Variants in AKAP6 observed in about 807,000 individuals in gnomAD.
The protein encoded by AKAP6 is A-kinase anchoring protein 6.
Under a neutral mutation model 188.5 loss-of-function variants are expected in AKAP6, and 58 were observed. The ratio of observed to expected loss-of-function variants is 0.31; its 90% confidence interval spans 0.25 to 0.38. AKAP6 has a LOEUF of 0.38. Among genes scored for constraint, AKAP6 ranks in the 10% least tolerant of loss-of-function variants. The pLI, the probability that AKAP6 is intolerant of heterozygous loss-of-function variation, is 1.00. For synonymous variants in AKAP6, 989 were observed against 998.6 expected, an observed-to-expected ratio of 0.99 and a Z score of 0.18; for missense variants, 2,710 against 2,740.0, an observed-to-expected ratio of 0.99 and a Z score of 0.24.
chr14:32,589,247 C>T (rs74624261), intron 5 of AKAP6, among the ~76,000 whole-genome samples: 209 of 152,314 alleles, frequency 1.4e-3, no homozygotes, highest in African/African-American at 4.6e-3. Context: ...TGGCCTTACA[C>T]GGGCTTTGAA....
chr14:32,726,093 C>T (rs2030858001), intron 9 of AKAP6: 2 of 759,346 alleles, frequency 2.6e-6, no homozygotes, highest in Non-Finnish European at 3.2e-6. Context: ...TTTCCAACGA[C>T]CAGATTAAGG....
chr14:32,452,252 T>C (rs1890967623), intron 2 of AKAP6, among the ~76,000 whole-genome samples: 1 of 152,024 alleles, frequency 6.6e-6, no homozygotes, highest in South Asian at 2.1e-4. Context: ...CAGGCTGGTC[T>C]CAAACTCCTG....
intron 12 of AKAP6, among the ~76,000 whole-genome samples, chr14:32,790,798 G>A (rs1247550824): frequency 1.3e-5 from 2 of 152,004 alleles, no homozygotes; most frequent in South Asian, 2.1e-4. Flanking sequence ...ACCCCGATAT[G>A]TGATGTTCTG....
chr14:32,433,722 C>A lies in AKAP6; in HGVS notation c.229C>A (p.Leu77Ile). 3 of 1,614,214 alleles carry A rather than the reference C, an allele frequency of 1.9e-6. No individual in the cohort carries two copies. Among genetic ancestry groups the A allele is most frequent in the Non-Finnish European group, 2.5e-6 (3 of 1,180,042 alleles). The change falls in exon 2 of 14, where the codon CTC becomes ATC. Residue 77 changes from leucine to isoleucine, a missense_variant. By Grantham distance (5) the Leu-to-Ile change is conservative. Transcript: ENST00000280979. ...VLHLPEIETW[L>I]RMTSERVRDL... ...CCACTTACCTGAAATTGAGACCTGG[C>A]TCCGGATGACCTCAGAGAGGGTCCG...
intron 2 of AKAP6, among the ~76,000 whole-genome samples, chr14:32,500,466 G>A (rs1247350008): frequency 2.0e-5 from 3 of 152,130 alleles, no homozygotes; most frequent in African/African-American, 2.4e-5. Context: ...ACTCTGTGAC[G>A]CTGAGCATAC....
intron 10 of AKAP6, among the ~76,000 whole-genome samples, 174 bp from the exon 11 acceptor site, chr14:32,735,484 T>C (rs1162084924): frequency 6.6e-6 from 1 of 152,132 alleles, no homozygotes; most frequent in Non-Finnish European, 1.5e-5. Context: ...CTGAACTGAA[T>C]GTCAGTAGTG....
At chr14:32,754,958 A>C (rs2032277723) in intron 11 of AKAP6, among the ~76,000 whole-genome samples, 4 of 152,124 alleles carry the variant, frequency 2.6e-5, no homozygotes, top group Admixed American at 2.6e-4. Flanking sequence ...TGAGAATTTG[A>C]TTATAATTTG....
intron 7 of AKAP6, among the ~76,000 whole-genome samples, chr14:32,652,468 G>C (rs925789428): frequency 6.6e-6 from 1 of 152,090 alleles, no homozygotes; most frequent in Non-Finnish European, 1.5e-5. Flanking sequence ...CAGAATATCA[G>C]GGAGCTGGAT....
At chr14:32,663,737 G>C (rs1051689867) in intron 7 of AKAP6, among the ~76,000 whole-genome samples, 1 of 152,078 alleles carries the variant, frequency 6.6e-6, no homozygotes, top group Non-Finnish European at 1.5e-5. Flanking sequence ...GTGATGGACA[G>C]CAAAGGCCAA....
intron 11 of AKAP6, among the ~76,000 whole-genome samples, chr14:32,764,071 C>T (rs2032627599): frequency 6.6e-6 from 1 of 152,138 alleles, no homozygotes; most frequent in Non-Finnish European, 1.5e-5. Flanking sequence ...TGTTGATAAT[C>T]ACTTGCCTAA....
chr14:32,337,924 G>A (rs112622419), intron 1 of AKAP6, among the ~76,000 whole-genome samples: 1 of 152,074 alleles, frequency 6.6e-6, no homozygotes, highest in Non-Finnish European at 1.5e-5. Flanking sequence ...GGAGGCTGAG[G>A]GGGGAGGATT....
chr14:32,626,090 T>A (rs1390003727), intron 7 of AKAP6, among the ~76,000 whole-genome samples: 1 of 152,122 alleles, frequency 6.6e-6, no homozygotes, highest in Admixed American at 6.6e-5. Flanking sequence ...CTTCTCTCAT[T>A]TTCATACCCA....
At chr14:32,591,325 G>A (rs899740600) in intron 5 of AKAP6, among the ~76,000 whole-genome samples, 20 of 152,262 alleles carry the variant, frequency 1.3e-4, no homozygotes, top group East Asian at 1.9e-4. Flanking sequence ...TGTGGAGATG[G>A]CATCCAGAGA....
chr14:32,355,236 TA>T lies in AKAP6; in HGVS notation c.-35+25830del, dbSNP rs1887439503. Among the ~76,000 whole-genome samples, 3 of 148,498 alleles carry T rather than the reference TA, an allele frequency of 2.0e-5. No homozygotes were observed. In the South Asian group the frequency reaches 6.5e-4, roughly 32 times the overall value. ...AAAGGGAAACATTTCAATACTTACA[TA>T]ATTTATTTTCTTATAGTATAGACCA... On this transcript the variant is annotated intron_variant, in intron 1 of 13. Coordinates refer to ENST00000280979, the MANE Select transcript of AKAP6 (RefSeq NM_004274.5).
intron 1 of AKAP6, 41 bp from the exon 2 acceptor site, chr14:32,433,419 C>T (rs905182359): frequency 2.2e-6 from 3 of 1,345,578 alleles, no homozygotes; most frequent in Non-Finnish European, 3.1e-6. Context: ...ATTTGGCAAT[C>T]TTGACTGACT....
At chr14:32,383,765 G>A (rs1416248798) in intron 1 of AKAP6, among the ~76,000 whole-genome samples, 1 of 152,162 alleles carries the variant, frequency 6.6e-6, no homozygotes, top group African/African-American at 2.4e-5. Flanking sequence ...TAATTCTGGT[G>A]TTTAAACATG....
chr14:32,740,549 A>T (rs1319063479), intron 11 of AKAP6, among the ~76,000 whole-genome samples: 1 of 151,984 alleles, frequency 6.6e-6, no homozygotes, highest in African/African-American at 2.4e-5. Context: ...TGATTTTTGT[A>T]TATGGTGAGA....
intron 2 of AKAP6, among the ~76,000 whole-genome samples, chr14:32,437,244 A>G (rs1428465440): frequency 6.6e-6 from 1 of 152,104 alleles, no homozygotes; most frequent in Non-Finnish European, 1.5e-5. Context: ...CTGGAGATGC[A>G]AGCCTGGGAG....
intron 11 of AKAP6, among the ~76,000 whole-genome samples, chr14:32,773,069 C>A (rs962799807): frequency 1.3e-5 from 2 of 152,074 alleles, no homozygotes; most frequent in African/African-American, 4.8e-5. Context: ...ACACAGCAAC[C>A]AACAAATAGT....
Sources: allele counts gnomAD v4.1 joint callset (sites outside exome capture counted in the v4.1 genomes callset), GRCh38; gene constraint gnomAD v4.1.1; transcripts MANE v1.5; gene names NCBI Gene and HGNC (gene_info 2026-07-23, HGNC 2026-07-21).